The following CDK11B variants were observed in gnomAD, a reference collection of about 807,000 sequenced individuals.
The protein encoded by CDK11B is cyclin dependent kinase 11B.
CDK11B carries 37 observed loss-of-function variants against 84.0 expected under a neutral mutation model. That is an observed-to-expected ratio of 0.44 (90% CI 0.34 to 0.58). CDK11B has a LOEUF of 0.58. CDK11B is among the 20% of genes least tolerant of loss of function. The pLI is 0.02. For synonymous variants in CDK11B, 269 were observed against 309.8 expected, an observed-to-expected ratio of 0.87 and a Z score of 1.38; for missense variants, 427 against 834.0, an observed-to-expected ratio of 0.51 and a Z score of 6.01.
chr1:1,651,785 C>G (rs1393616897), intron 4 of CDK11B, among the ~76,000 whole-genome samples: 1 of 146,010 alleles, frequency 6.8e-6, no homozygotes, highest in African/African-American at 2.5e-5. Flanking sequence ...AACACACGCA[C>G]GCTTTCAGCT....
intron 3 of CDK11B, among the ~76,000 whole-genome samples, chr1:1,654,984 A>G (rs1642552028): frequency 6.6e-6 from 1 of 151,930 alleles, no homozygotes. Context: ...ACGGGGTTTC[A>G]CCATGTTGGC....
chr1:1,641,201 C>T, intron 9 of CDK11B, 88 bp from the exon 10 acceptor site: 1 of 1,559,002 alleles, frequency 6.4e-7, no homozygotes, highest in Non-Finnish European at 8.7e-7. Flanking sequence ...AGCTAAGCAA[C>T]AAGTGTTCCC....
chr1:1,640,068 CCT>C (rs1024682552), intron 11 of CDK11B, among the ~76,000 whole-genome samples: 1 of 151,766 alleles, frequency 6.6e-6, no homozygotes, highest in African/African-American at 2.4e-5. Flanking sequence ...CGGGCAGCTC[CCT>C]GTCCACCCAG....
In CDK11B at chr1:1,637,145, T is replaced by C. The variant is rs758045840; in HGVS notation, c.1628A>G (p.Asn543Ser). 2 of 1,613,620 alleles carry C rather than the reference T, an allele frequency of 1.2e-6. No homozygotes were observed. The highest frequency in any genetic ancestry group is 8.5e-7 in the Non-Finnish European group (1 of 1,179,854). ...LLRGVKHLHD[N>S]WILHRDLKTS... is the part of the protein sequence containing the mutation. ...CTTGAGGTCACGGTGCAGGATCCAG[T>C]TGTCGTGCAGGTGTTTCACCCCACG... Residue 543 changes from asparagine to serine, a missense_variant, in exon 15 of 20, where the codon AAC (asparagine) becomes AGC (serine). Physicochemically the swap from Asn to Ser is conservative, Grantham distance 46. Transcript: ENST00000341832.
intron 5 of CDK11B, 63 bp downstream of exon 5, chr1:1,649,436 T>TA: frequency 8.0e-7 from 1 of 1,254,420 alleles, no homozygotes; most frequent in Non-Finnish European, 1.2e-6. Flanking sequence ...CTTCTTCATT[T>TA]CTAGGATGGG....
At chr1:1,656,387 A>T (rs1642750238) in intron 2 of CDK11B, among the ~76,000 whole-genome samples, 4 of 152,146 alleles carry the variant, frequency 2.6e-5, no homozygotes. Flanking sequence ...GGTACTCAGG[A>T]GGCTGAGACA....
chr1:1,637,666 G>A (rs1299532103), intron 13 of CDK11B, 96 bp downstream of exon 13: 3 of 1,611,134 alleles, frequency 1.9e-6, no homozygotes, highest in African/African-American at 2.7e-5. Flanking sequence ...TCCACTAAGT[G>A]CAGGAGAGTG....
intron 3 of CDK11B, among the ~76,000 whole-genome samples, chr1:1,653,856 ACACACAC>A (rs1557717717): frequency 5.9e-4 from 89 of 150,510 alleles, no homozygotes; most frequent in Non-Finnish European, 1.0e-3. Context: ...ACACACACAC[ACACACAC>A]CCGAGCGTGG....
Position 1,637,647 on chromosome 1 carries a change from G to C in CDK11B, c.1464+115C>G, listed in dbSNP as rs370227518. On this transcript the variant is annotated intron_variant, in intron 13 of 19. Coordinates refer to ENST00000341832, the MANE Select transcript of CDK11B (RefSeq NM_033486.3). ...GCAAATGCTTGCTTCTGTGTGGTCT[G>C]TGAAGGGCTCCACTAAGTGCAGGAG... 7.5e-6 allele frequency: 12 copies of C among 1,608,628 alleles called. No homozygotes were observed. The East Asian group carries it at 2.5e-4, about 33-fold the overall frequency.
chr1:1,654,817 C>A (rs1359393081), intron 3 of CDK11B, among the ~76,000 whole-genome samples: 1 of 151,964 alleles, frequency 6.6e-6, no homozygotes, highest in South Asian at 2.1e-4. Flanking sequence ...TGCCACCACG[C>A]CCGGCTAATT....
intron 4 of CDK11B, among the ~76,000 whole-genome samples, chr1:1,651,707 G>A (rs1379648584): frequency 5.8e-4 from 86 of 149,242 alleles, no homozygotes; most frequent in Middle Eastern, 4.0e-3. Flanking sequence ...TAGCCCCTCT[G>A]AATGGTCTGT....
intron 15 of CDK11B, 38 bp from the exon 16 acceptor site, chr1:1,637,042 C>G (rs761152469): frequency 6.2e-6 from 10 of 1,613,262 alleles, no homozygotes; most frequent in Non-Finnish European, 8.5e-6. Flanking sequence ...TGGGCCCCGG[C>G]AGGTCTCCCT....
At chr1:1,645,288 C>A in intron 5 of CDK11B, 26 bp from the exon 6 acceptor site, 2 of 1,610,502 alleles carry the variant, frequency 1.2e-6, no homozygotes, top group Non-Finnish European at 1.7e-6. Context: ...CCATCATTCC[C>A]CCTAAACAGA....
At chr1:1,640,232 G>A (rs372714659) in intron 11 of CDK11B, 45 bp downstream of exon 11, 14 of 1,605,158 alleles carry the variant, frequency 8.7e-6, no homozygotes, top group Admixed American at 6.7e-5. Context: ...TGGTAACTCC[G>A]ACTGCCAATG....
At position 1,649,343 on chromosome 1, in the gene CDK11B, C is replaced by T. The variant is rs1333379579; in HGVS notation, c.494+156G>A. Among the ~76,000 whole-genome samples, 23 of 152,144 alleles carry T rather than the reference C, an allele frequency of 1.5e-4. 2 individuals carry two copies. Among genetic ancestry groups the T allele is most frequent in the Admixed American group, 3.3e-4 (5 of 15,280 alleles). On this transcript the variant is annotated intron_variant, in intron 5 of 19. Transcript: ENST00000341832. ...GTCTCCATCTCCTCACCTCATGATCCGCCCACCTCGGCCTCCCAAAGTGCT... is the reference window on the plus strand; with the variant it reads ...GTCTCCATCTCCTCACCTCATGATCTGCCCACCTCGGCCTCCCAAAGTGCT...
In CDK11B at chr1:1,636,942, C is replaced by G. The variant is rs757769850; in HGVS notation, c.1755G>C (p.Val585=). ...CTGGGGCGCGGTACCACAGGGTCAC[C>G]ACGACCGGGGTGTAGGCCTTCAGAG... ...GSPLKAYTPV[V]VTLWYRAPEL... The change falls in exon 16 of 20, where the codon GTG becomes GTC. Residue 585 remains valine, a synonymous_variant. Coordinates refer to ENST00000341832, the MANE Select transcript of CDK11B (RefSeq NM_033486.3). 1.7e-5 allele frequency: 28 copies of G among 1,607,584 alleles called. 1 individual carries two copies. The highest frequency in any genetic ancestry group is 2.3e-5 in the Non-Finnish European group (27 of 1,176,094).
Position 1,649,487 on chromosome 1 carries a change from C to T in CDK11B, c.494+12G>A. On this transcript the variant is annotated intron_variant, in intron 5 of 19. Transcript: ENST00000341832. ...CCTTTTATAAAGTCCTCAACTGACC[C>T]AGCCGACTCACCTTTCTCTCCTGGA... The T allele has an allele frequency of 1.3e-6, 2 of 1,558,052 alleles. No individual in the cohort carries two copies. The highest frequency in any genetic ancestry group is 8.9e-7 in the Non-Finnish European group (1 of 1,129,732).
rs1570224728 is a variant in CDK11B at position 1,653,844 on chromosome 1, A to ACG, written c.228-1279_228-1278insCG. On this transcript the variant is annotated intron_variant, in intron 3 of 19. Coordinates refer to ENST00000341832, the MANE Select transcript of CDK11B (RefSeq NM_033486.3). ...TAAAAATACACACACACACACACAC[A>ACG]CACACACACACACACACACCCGAGC... Among the ~76,000 whole-genome samples the ACG allele has an allele frequency of 1.6e-3, 234 of 149,332 alleles. 3 individuals are homozygous for ACG. The East Asian group carries it at 0.038, about 24-fold the overall frequency.
At position 1,637,101 on chromosome 1, in the gene CDK11B, TCAG is replaced by T; in HGVS notation, c.1669_1671del (p.Leu557del). On this transcript the variant is annotated inframe_deletion, in exon 15 of 20. Coordinates refer to ENST00000341832, the MANE Select transcript of CDK11B (RefSeq NM_033486.3). ...CTCACCTTGAGGATGCCGGCGTGGC[TCAG>T]CAGCAGGTTGGACGTCTTGAGGTCA... The T allele has an allele frequency of 6.2e-7, 1 of 1,613,558 alleles. No individual in the cohort carries two copies.
Sources: gnomAD v4.1 joint callset for allele counts (sites outside exome capture counted in the v4.1 genomes callset) on GRCh38, gnomAD v4.1.1 for gene constraint, MANE v1.5 for transcripts, NCBI Gene and HGNC (gene_info 2026-07-23, HGNC 2026-07-21) for gene names.